The following ANO10 variants were observed in gnomAD, a reference collection of about 807,000 sequenced individuals.
ANO10 encodes anoctamin-10.
ANO10 carries 77 observed loss-of-function variants against 74.7 expected under a neutral mutation model. The observed-to-expected ratio is 1.03, with a 90% CI of 0.86 to 1.25. The LOEUF (loss-of-function observed/expected upper bound fraction) is 1.25. Among genes scored for constraint, ANO10 ranks in the 50% most tolerant of loss-of-function variants. The probability of loss-of-function intolerance (pLI) is 0.00; values close to 1 mark genes in which losing one functional copy is unlikely to be tolerated. For missense variants in ANO10, 721 were observed against 778.1 expected, an observed-to-expected ratio of 0.93 and a Z score of 0.87; for synonymous variants, 279 against 284.9, an observed-to-expected ratio of 0.98 and a Z score of 0.21.
intron 12 of ANO10, among the ~76,000 whole-genome samples, chr3:43,378,499 C>A (rs1305385336): frequency 1.3e-5 from 2 of 152,242 alleles, no homozygotes; most frequent in Non-Finnish European, 2.9e-5. Flanking sequence ...TTCCCCACAT[C>A]TGAACACTGT....
chr3:43,376,665 A>G (rs2091817752), intron 12 of ANO10, among the ~76,000 whole-genome samples: 1 of 152,176 alleles, frequency 6.6e-6, no homozygotes, highest in South Asian at 2.1e-4. Context: ...ATTCTGAGAA[A>G]GGGGGAAATT....
At chr3:43,502,800 T>C (rs558953164) in intron 11 of ANO10, among the ~76,000 whole-genome samples, 43 of 152,280 alleles carry the variant, frequency 2.8e-4, no homozygotes, top group African/African-American at 9.9e-4. Flanking sequence ...GGATAAACCC[T>C]GAGGACATTA....
At chr3:43,691,330 A>C in intron 1 of ANO10, 21 of 252,646 alleles carry the variant, frequency 8.3e-5, no homozygotes, top group East Asian at 1.4e-4. Context: ...TTGTTGTATA[A>C]GCCACCCCGC....
intron 11 of ANO10, among the ~76,000 whole-genome samples, chr3:43,493,824 A>C (rs34279519): frequency 0.4 from 61,054 of 151,980 alleles, 13,020 homozygotes; most frequent in African/African-American, 0.5. Context: ...TAATCTCCAA[A>C]TCCTGGATTC....
At chr3:43,639,434 A>G (rs920412848) in intron 1 of ANO10, among the ~76,000 whole-genome samples, 1 of 152,216 alleles carries the variant, frequency 6.6e-6, no homozygotes, top group Non-Finnish European at 1.5e-5. Context: ...ATGCCACACA[A>G]CTAAAATAAG....
At chr3:43,493,415 TA>T (rs113585045) in intron 11 of ANO10, among the ~76,000 whole-genome samples, 686 of 146,790 alleles carry the variant, frequency 4.7e-3, no homozygotes, top group Non-Finnish European at 5.6e-3. Flanking sequence ...AAGTATAATT[TA>T]AAAAAAAAAA....
chr3:43,575,045 T>C (rs1252540127), intron 6 of ANO10, among the ~76,000 whole-genome samples, 181 bp from the exon 7 acceptor site: 4 of 151,998 alleles, frequency 2.6e-5, no homozygotes, highest in African/African-American at 4.8e-5. Flanking sequence ...CAGGGACACA[T>C]TTTTCAGGGT....
chr3:43,657,023 T>C (rs1485840378), intron 1 of ANO10, among the ~76,000 whole-genome samples: 2 of 152,260 alleles, frequency 1.3e-5, no homozygotes, highest in African/African-American at 2.4e-5. Context: ...TGTTTTCTTG[T>C]GAACAAAAAC....
chr3:43,549,782 G>T lies in ANO10; in HGVS notation c.1735C>A (p.Gln579Lys). 6.2e-7 allele frequency: 1 copy of T among 1,613,938 alleles called. No individual in the cohort carries two copies. Among genetic ancestry groups the T allele is most frequent in the Non-Finnish European group, 8.5e-7 (1 of 1,179,864 alleles). Residue 579 changes from glutamine to lysine, a missense_variant, in exon 11 of 13, where the codon CAA becomes AAA. By Grantham distance (53) the Gln-to-Lys change is moderately conservative. Coordinates refer to ENST00000292246, the MANE Select transcript of ANO10 (RefSeq NM_018075.5). Reference sequence around the variant, plus strand: ...GATTCTGGAAAGACTGCATTCACTTGTGGTGACATTCCAATCAGCGCACAG... The same window carrying T: ...GATTCTGGAAAGACTGCATTCACTTTTGGTGACATTCCAATCAGCGCACAG... ...TNCALIGMSPQVNAVFPESKA... is the reference protein window; with the variant it reads ...TNCALIGMSPKVNAVFPESKA...
intron 11 of ANO10, among the ~76,000 whole-genome samples, chr3:43,462,320 C>A (rs2075415136): frequency 6.6e-6 from 1 of 152,182 alleles, no homozygotes; most frequent in Admixed American, 6.5e-5. Flanking sequence ...ACCTCCGCCT[C>A]CCAGGTTCAA....
chr3:43,615,318 A>T (rs2083042270), intron 1 of ANO10, among the ~76,000 whole-genome samples: 2 of 152,100 alleles, frequency 1.3e-5, no homozygotes, highest in Non-Finnish European at 2.9e-5. Flanking sequence ...AGACAGCCTG[A>T]CACCAAAGTC....
At chr3:43,690,931 G>A (rs1256171957) in intron 1 of ANO10, 16 of 1,523,324 alleles carry the variant, frequency 1.1e-5, no homozygotes, top group Non-Finnish European at 1.4e-5. Flanking sequence ...CCAGCCCGGG[G>A]CGGCCCAGTC....
At chr3:43,431,083 T>C (rs1410673221) in intron 12 of ANO10, among the ~76,000 whole-genome samples, 3 of 151,810 alleles carry the variant, frequency 2.0e-5, no homozygotes, top group African/African-American at 7.3e-5. Context: ...TTTTCTTTTT[T>C]TTTTTTTGAG....
At chr3:43,653,429 T>G (rs561937847) in intron 1 of ANO10, among the ~76,000 whole-genome samples, 9 of 152,224 alleles carry the variant, frequency 5.9e-5, no homozygotes, top group Non-Finnish European at 1.3e-4. Context: ...TACACATGGC[T>G]GCATAGGTGG....
rs139740592 is a variant in ANO10 at position 43,447,100 on chromosome 3, C to T, written c.1798-14373G>A. Reference sequence around the variant, plus strand: ...TACCTAGACAGCACCCATACTTTATCGACCAGTGATGGACATTTACACTAT... The same window carrying T: ...TACCTAGACAGCACCCATACTTTATTGACCAGTGATGGACATTTACACTAT... On this transcript the variant is annotated intron_variant, in intron 11 of 12. Transcript: ENST00000292246. Among the ~76,000 whole-genome samples, 1,369 of 152,276 alleles carry T rather than the reference C, an allele frequency of 9.0e-3. 17 individuals carry two copies. Among genetic ancestry groups the T allele is most frequent in the Non-Finnish European group, 0.015 (997 of 68,024 alleles).
chr3:43,545,108 C>T (rs1198220126), intron 11 of ANO10, among the ~76,000 whole-genome samples: 1 of 152,052 alleles, frequency 6.6e-6, no homozygotes, highest in African/African-American at 2.4e-5. Flanking sequence ...TATTTATAGA[C>T]TATGGCATTT....
chr3:43,670,502 T>C (rs2084045969), intron 1 of ANO10, among the ~76,000 whole-genome samples: 1 of 152,140 alleles, frequency 6.6e-6, no homozygotes. Context: ...AAGTTTCCAA[T>C]TAGGGTGAAA....
At chr3:43,571,395 T>C (rs1268034128) in intron 7 of ANO10, among the ~76,000 whole-genome samples, 6 of 151,192 alleles carry the variant, frequency 4.0e-5, no homozygotes, top group South Asian at 4.2e-4. Flanking sequence ...CGTATGTTTA[T>C]TGCGGCATTA....
At chr3:43,606,951 G>A (rs1436629804) in intron 1 of ANO10, among the ~76,000 whole-genome samples, 3 of 152,038 alleles carry the variant, frequency 2.0e-5, no homozygotes, top group Admixed American at 6.6e-5. Flanking sequence ...AATTCCACAC[G>A]TAAGTACTTA....
Sources: allele counts gnomAD v4.1 joint callset (sites outside exome capture counted in the v4.1 genomes callset), GRCh38; gene constraint gnomAD v4.1.1; transcripts MANE v1.5; gene names NCBI Gene and HGNC (gene_info 2026-07-23, HGNC 2026-07-21).